AUTS2: variants seen among roughly 807,000 people sequenced by gnomAD.
The protein encoded by AUTS2 is autism susceptibility gene 2 protein.
AUTS2 carries 17 observed loss-of-function variants against 112.4 expected under a neutral mutation model. The observed-to-expected ratio is 0.15, with a 90% CI of 0.10 to 0.23. The LOEUF (loss-of-function observed/expected upper bound fraction) is 0.23. Among genes scored for constraint, AUTS2 ranks in the 10% least tolerant of loss-of-function variants. The pLI is 1.00. For synonymous variants in AUTS2, 751 were observed against 702.7 expected (o/e 1.07, Z -1.09); for missense variants, 1,510 against 1,701.6 (o/e 0.89, Z 1.98).
At chr7:70,514,938 C>G (rs1401806619) in intron 5 of AUTS2, among the ~76,000 whole-genome samples, 2 of 152,230 alleles carry the variant, frequency 1.3e-5, no homozygotes, top group African/African-American at 4.8e-5. Flanking sequence ...GGCTATTCAA[C>G]ATAATATCCT....
chr7:69,991,317 C>G (rs1798734081), intron 2 of AUTS2, among the ~76,000 whole-genome samples: 1 of 152,194 alleles, frequency 6.6e-6, no homozygotes, highest in South Asian at 2.1e-4. Flanking sequence ...AGATGGAAGA[C>G]AGATCTGGGC....
At chr7:69,719,117 A>G (rs1219204677) in intron 1 of AUTS2, among the ~76,000 whole-genome samples, 1 of 152,170 alleles carries the variant, frequency 6.6e-6, no homozygotes, top group African/African-American at 2.4e-5. Context: ...TGTTTTTGTT[A>G]GATAGTTCCT....
At position 70,310,408 on chromosome 7, in the gene AUTS2, C is replaced by T. The variant is rs181044382; in HGVS notation, c.661-125344C>T. ...GGCGGATCATGAGGTCAGGAAATCG[C>T]GACCATCCTGGCTAACATGGTGAAA... On this transcript the variant is annotated intron_variant, in intron 4 of 18. Coordinates refer to ENST00000342771, the MANE Select transcript of AUTS2 (RefSeq NM_015570.4). Among the ~76,000 whole-genome samples, 15 of 151,936 alleles carry T rather than the reference C, an allele frequency of 9.9e-5. No individual in the cohort carries two copies. In the East Asian group the frequency reaches 2.7e-3, roughly 28 times the overall value.
intron 2 of AUTS2, among the ~76,000 whole-genome samples, chr7:70,059,042 T>C (rs1802122337): frequency 6.6e-6 from 1 of 152,174 alleles, no homozygotes; most frequent in South Asian, 2.1e-4. Flanking sequence ...CTTACATAGT[T>C]TACATTAGAG....
intron 5 of AUTS2, among the ~76,000 whole-genome samples, chr7:70,518,724 G>C (rs1410735554): frequency 6.6e-6 from 1 of 151,708 alleles, no homozygotes; most frequent in Non-Finnish European, 1.5e-5. Flanking sequence ...GTTTGTTTGA[G>C]ACAGAGTCTC....
At chr7:70,078,364 A>T (rs1000292404) in intron 2 of AUTS2, among the ~76,000 whole-genome samples, 1 of 152,114 alleles carries the variant, frequency 6.6e-6, no homozygotes, top group Non-Finnish European at 1.5e-5. Context: ...TGCAACTCAA[A>T]ATACTGCCTA....
At chr7:69,702,796 T>A (rs968275812) in intron 1 of AUTS2, among the ~76,000 whole-genome samples, 1 of 152,198 alleles carries the variant, frequency 6.6e-6, no homozygotes, top group Non-Finnish European at 1.5e-5. Context: ...GGTCTGCATG[T>A]TCAATGTTTG....
At chr7:70,066,788 C>T (rs569284346) in intron 2 of AUTS2, among the ~76,000 whole-genome samples, 199 of 152,180 alleles carry the variant, frequency 1.3e-3, no homozygotes, top group Non-Finnish European at 2.0e-3. Flanking sequence ...GATCTGCCTA[C>T]CTCAGCCTCC....
intron 4 of AUTS2, among the ~76,000 whole-genome samples, chr7:70,320,242 G>T (rs1790189933): frequency 6.6e-6 from 1 of 152,136 alleles, no homozygotes; most frequent in Admixed American, 6.5e-5. Flanking sequence ...GAAGCTACTG[G>T]TACTGAAAAG....
At position 70,731,709 on chromosome 7, in the gene AUTS2, A is replaced by G. The variant is rs186433298; in HGVS notation, c.743-31161A>G. On this transcript the variant is annotated intron_variant, in intron 6 of 18. Coordinates refer to ENST00000342771, the MANE Select transcript of AUTS2 (RefSeq NM_015570.4). ...CTCCCAGAGTGCTGGGATTACAGGC[A>G]TGAGCCACCGCGCCCAGTCTCCTTT... Among the ~76,000 whole-genome samples the G allele has an allele frequency of 6.0e-3, 905 of 151,696 alleles. 13 individuals carry two copies. Among genetic ancestry groups the G allele is most frequent in the East Asian group, 0.024 (121 of 5,070 alleles).
At chr7:70,758,601 A>T (rs1309084819) in intron 6 of AUTS2, among the ~76,000 whole-genome samples, 1 of 152,212 alleles carries the variant, frequency 6.6e-6, no homozygotes, top group Non-Finnish European at 1.5e-5. Context: ...CTATTTTTAT[A>T]ATCACAAGAA....
rs79116782 is a variant in AUTS2, at chr7:69,879,971, C to T, written c.310-19315C>T. Among the ~76,000 whole-genome samples, 445 of 152,184 alleles carry T rather than the reference C, an allele frequency of 2.9e-3. 5 individuals are homozygous for T. Among genetic ancestry groups the T allele is most frequent in the African/African-American group, 0.01 (431 of 41,536 alleles). ...AGAGATGGGATTTCCCTATGTTGCC[C>T]AGTGTATTAGTCCATTCTTGCACTG... is the stretch of plus-strand genomic sequence containing the variant. On this transcript the variant is annotated intron_variant, in intron 1 of 18. Transcript: ENST00000342771.
chr7:69,649,423 C>A (rs1170277516), intron 1 of AUTS2, among the ~76,000 whole-genome samples: 1 of 152,130 alleles, frequency 6.6e-6, no homozygotes, highest in Non-Finnish European at 1.5e-5. Flanking sequence ...TTCCTTAACT[C>A]TTAAAGAGTG....
intron 1 of AUTS2, among the ~76,000 whole-genome samples, chr7:69,788,676 A>C (rs1429812454): frequency 6.6e-6 from 1 of 152,126 alleles, no homozygotes; most frequent in East Asian, 1.9e-4. Context: ...CTGAGAAATT[A>C]ACAGAGAAGA....
intron 5 of AUTS2, among the ~76,000 whole-genome samples, chr7:70,471,558 T>C (rs1023120590): frequency 1.3e-5 from 2 of 152,226 alleles, no homozygotes; most frequent in Non-Finnish European, 2.9e-5. Flanking sequence ...TTTGTATGCC[T>C]ACCCTATATT....
intron 4 of AUTS2, among the ~76,000 whole-genome samples, chr7:70,336,207 T>A (rs1475820210): frequency 6.6e-6 from 1 of 152,084 alleles, no homozygotes; most frequent in Non-Finnish European, 1.5e-5. Flanking sequence ...GTTAAAAAAA[T>A]AAAAATAAAA....
At chr7:70,354,827 A>G (rs1485968263) in intron 4 of AUTS2, among the ~76,000 whole-genome samples, 1 of 152,210 alleles carries the variant, frequency 6.6e-6, no homozygotes, top group East Asian at 1.9e-4. Flanking sequence ...AATATTTTGG[A>G]TGCATTGAGT....
chr7:69,738,402 A>G (rs1023592385), intron 1 of AUTS2, among the ~76,000 whole-genome samples: 1 of 152,166 alleles, frequency 6.6e-6, no homozygotes, highest in East Asian at 1.9e-4. Context: ...GCTATCAGGT[A>G]AAAAAACTAA....
chr7:69,681,261 A>T (rs1374312846), intron 1 of AUTS2, among the ~76,000 whole-genome samples: 1 of 152,224 alleles, frequency 6.6e-6, no homozygotes, highest in African/African-American at 2.4e-5. Context: ...CTTCTTCTGC[A>T]TATGTACCTG....
Sources: allele counts gnomAD v4.1 joint callset (sites outside exome capture counted in the v4.1 genomes callset), GRCh38; gene constraint gnomAD v4.1.1; transcripts MANE v1.5; gene names NCBI Gene and HGNC (gene_info 2026-07-23, HGNC 2026-07-21).